Variants in ZNF385D observed in about 807,000 individuals in gnomAD.
The protein encoded by ZNF385D is zinc finger protein 385D, also known as zinc finger protein 659.
A neutral mutation model predicts 35.8 loss-of-function variants in ZNF385D; 15 were observed. The ratio of observed to expected loss-of-function variants is 0.42; its 90% CI spans 0.28 to 0.64. ZNF385D has a LOEUF of 0.64. ZNF385D is among the 30% of genes least tolerant of loss of function. ZNF385D has a pLI of 0.23. For missense variants in ZNF385D, 474 were observed against 494.6 expected (o/e 0.96, Z 0.39); for synonymous variants, 212 against 186.8 (o/e 1.13, Z -1.10).
At chr3:22,226,803 T>A (rs1559464750) in intron 2 of ZNF385D, among the ~76,000 whole-genome samples, 1 of 152,198 alleles carries the variant, frequency 6.6e-6, no homozygotes, top group Non-Finnish European at 1.5e-5. Flanking sequence ...TTATCTGTCA[T>A]TTGATTATAT....
At chr3:21,989,399 G>A (rs1297144669) in intron 3 of ZNF385D, among the ~76,000 whole-genome samples, 2 of 152,100 alleles carry the variant, frequency 1.3e-5, no homozygotes, top group Non-Finnish European at 2.9e-5. Context: ...TAGGAATACA[G>A]TTATGATTTT....
chr3:21,897,306 T>C (rs1219756319), intron 3 of ZNF385D, among the ~76,000 whole-genome samples: 2 of 152,130 alleles, frequency 1.3e-5, no homozygotes, highest in East Asian at 1.9e-4. Context: ...GTGACTGATA[T>C]TGATTACTAA....
chr3:21,778,162 G>C (rs2071359809), intron 3 of ZNF385D, among the ~76,000 whole-genome samples: 1 of 151,914 alleles, frequency 6.6e-6, no homozygotes, highest in Non-Finnish European at 1.5e-5. Flanking sequence ...CAGTTAGAAA[G>C]AAAGCCAATC....
intron 1 of ZNF385D, among the ~76,000 whole-genome samples, chr3:21,723,454 A>G (rs1388150921): frequency 1.3e-5 from 2 of 152,232 alleles, no homozygotes; most frequent in Non-Finnish European, 2.9e-5. Flanking sequence ...AGAGAAGAAC[A>G]TAAATGACCT....
At chr3:21,615,570 C>A (rs462844) in intron 2 of ZNF385D, among the ~76,000 whole-genome samples, 2 of 152,166 alleles carry the variant, frequency 1.3e-5, no homozygotes, top group South Asian at 2.1e-4. Flanking sequence ...CATTTAACTT[C>A]TGTATTTTAT....
At chr3:22,119,179 C>G (rs970499523) in intron 3 of ZNF385D, among the ~76,000 whole-genome samples, 1 of 152,108 alleles carries the variant, frequency 6.6e-6, no homozygotes, top group Non-Finnish European at 1.5e-5. Flanking sequence ...GCACTGGCTT[C>G]AGAAGGAATC....
At chr3:21,988,196 G>A (rs1694924570) in intron 3 of ZNF385D, among the ~76,000 whole-genome samples, 1 of 129,772 alleles carries the variant, frequency 7.7e-6, no homozygotes, top group Non-Finnish European at 1.7e-5. Context: ...ATCCAGCTTT[G>A]TTCCGTTGCT....
At chr3:21,867,824 T>C (rs1697455665) in intron 3 of ZNF385D, among the ~76,000 whole-genome samples, 1 of 152,034 alleles carries the variant, frequency 6.6e-6, no homozygotes, top group Non-Finnish European at 1.5e-5. Context: ...CATTCTAAGA[T>C]GATAGAAATG....
chr3:22,229,817 T>C (rs893503772), intron 2 of ZNF385D, among the ~76,000 whole-genome samples: 4 of 152,136 alleles, frequency 2.6e-5, no homozygotes, highest in African/African-American at 9.7e-5. Flanking sequence ...CCTTGGGCAA[T>C]GCTGCTTATC....
intron 3 of ZNF385D, among the ~76,000 whole-genome samples, chr3:21,957,827 C>A (rs575282261): frequency 3.3e-5 from 5 of 152,226 alleles, no homozygotes; most frequent in Admixed American, 3.3e-4. Context: ...TATTATTTAG[C>A]CCATAGGTTC....
chr3:21,460,543 C>CA (rs1489399016), intron 4 of ZNF385D, among the ~76,000 whole-genome samples: 3 of 152,160 alleles, frequency 2.0e-5, no homozygotes, highest in Admixed American at 2.0e-4. Context: ...ATATTGCATT[C>CA]AGCTTGGAAA....
At chr3:22,181,455 G>C (rs1695264404) in intron 2 of ZNF385D, among the ~76,000 whole-genome samples, 2 of 152,028 alleles carry the variant, frequency 1.3e-5, no homozygotes, top group Non-Finnish European at 2.9e-5. Context: ...CCAGCACTTT[G>C]GGAGGCCGAG....
intron 2 of ZNF385D, among the ~76,000 whole-genome samples, chr3:22,171,804 G>A (rs1225077672): frequency 1.3e-5 from 2 of 149,552 alleles, no homozygotes; most frequent in Admixed American, 1.3e-4. Context: ...GTGAACCCGG[G>A]AGGTAGAGCT....
In ZNF385D at chr3:21,988,490, G is replaced by T. The variant is rs548221633; in HGVS notation, c.325+180327C>A. Among the ~76,000 whole-genome samples, 652 of 141,796 alleles carry T rather than the reference G, an allele frequency of 4.6e-3. 5 individuals carry two copies. The highest frequency in any genetic ancestry group is 0.015 in the African/African-American group (601 of 40,396). The allele number at this position is 141,796 out of a possible 152,430, so 93.0% of individuals were successfully genotyped here. A position where few individuals can be genotyped will look rare whatever the true frequency, so the allele number is the denominator to read the frequency against. On this transcript the variant is annotated intron_variant, in intron 3 of 5. Coordinates refer to the ZNF385D transcript ENST00000494108. ...CCCAGTTAGGCTGCTCGGGGGTCAG[G>T]GGTCAGGGACCCACTTGAGGAGGCA...
At chr3:22,140,645 G>A (rs1005435214) in intron 3 of ZNF385D, among the ~76,000 whole-genome samples, 1 of 152,120 alleles carries the variant, frequency 6.6e-6, no homozygotes, top group Non-Finnish European at 1.5e-5. Flanking sequence ...CATTACCTTT[G>A]GGGAAAGCTG....
At chr3:22,128,568 A>G (rs1226973425) in intron 3 of ZNF385D, among the ~76,000 whole-genome samples, 2 of 151,784 alleles carry the variant, frequency 1.3e-5, no homozygotes, top group Admixed American at 6.6e-5. Flanking sequence ...ATTATTTTTT[A>G]TTCTTTTTGT....
At chr3:21,699,014 T>C (rs1027920807) in intron 1 of ZNF385D, among the ~76,000 whole-genome samples, 1 of 152,190 alleles carries the variant, frequency 6.6e-6, no homozygotes, top group Non-Finnish European at 1.5e-5. Context: ...TTATAAATCA[T>C]TCTACTATAA....
intron 2 of ZNF385D, among the ~76,000 whole-genome samples, chr3:22,209,807 A>G (rs554222404): frequency 6.6e-6 from 1 of 151,878 alleles, no homozygotes; most frequent in South Asian, 2.1e-4. Context: ...CCACATATAC[A>G]CAAAAGTCAA....
At chr3:22,371,203 C>T (rs1696888669) in intron 2 of ZNF385D, among the ~76,000 whole-genome samples, 1 of 152,136 alleles carries the variant, frequency 6.6e-6, no homozygotes, top group African/African-American at 2.4e-5. Flanking sequence ...AGTGGCACGA[C>T]AACCCAGAGG....
Sources: gnomAD v4.1 joint callset for allele counts (sites outside exome capture counted in the v4.1 genomes callset) on GRCh38, gnomAD v4.1.1 for gene constraint, MANE v1.5 for transcripts, NCBI Gene and HGNC (gene_info 2026-07-23, HGNC 2026-07-21) for gene names.